Variants in TMEM117 observed in about 807,000 individuals in gnomAD.
TMEM117 encodes the protein transmembrane protein 117.
A neutral mutation model predicts 52.4 loss-of-function variants in TMEM117; 27 were observed. The observed-to-expected ratio is 0.51, with a 90% confidence interval of 0.38 to 0.71. The LOEUF (loss-of-function observed/expected upper bound fraction) is 0.71, where lower values mean the gene tolerates loss of function less well. Among genes scored for constraint, TMEM117 ranks in the 30% least tolerant of loss-of-function variants. The probability of loss-of-function intolerance (pLI) is 0.00; values close to 1 mark genes in which losing one functional copy is unlikely to be tolerated. For synonymous variants in TMEM117, 215 were observed against 206.3 expected (o/e 1.04, Z -0.36); for missense variants, 556 against 630.5 (o/e 0.88, Z 1.26).
chr12:44,080,216 A>T (rs539878313), intron 3 of TMEM117, among the ~76,000 whole-genome samples: 3 of 152,230 alleles, frequency 2.0e-5, no homozygotes, highest in Non-Finnish European at 4.4e-5. Context: ...GAGGAAAGAG[A>T]TTTAATTGAC....
intron 3 of TMEM117, among the ~76,000 whole-genome samples, chr12:43,952,457 G>C (rs962098746): frequency 6.6e-6 from 1 of 151,990 alleles, no homozygotes; most frequent in African/African-American, 2.4e-5. Context: ...ATGACCTGAT[G>C]GGTCTGAAAA....
intron 2 of TMEM117, among the ~76,000 whole-genome samples, chr12:43,864,740 C>T (rs1943554514): frequency 6.6e-6 from 1 of 152,188 alleles, no homozygotes. Flanking sequence ...GACCAATCAG[C>T]AGGATGTGGG....
chr12:44,306,012 T>C (rs1284511431), intron 6 of TMEM117, among the ~76,000 whole-genome samples: 1 of 152,122 alleles, frequency 6.6e-6, no homozygotes, highest in East Asian at 1.9e-4. Flanking sequence ...CCTAAGTGAA[T>C]TAACAGAGGG....
chr12:44,105,703 G>A (rs1308254971), intron 3 of TMEM117, among the ~76,000 whole-genome samples: 1 of 152,026 alleles, frequency 6.6e-6, no homozygotes, highest in African/African-American at 2.4e-5. Flanking sequence ...GCCCCTGGGT[G>A]GGACAGGATG....
intron 3 of TMEM117, among the ~76,000 whole-genome samples, chr12:44,133,043 A>G (rs1004341173): frequency 6.6e-6 from 1 of 152,208 alleles, no homozygotes; most frequent in Non-Finnish European, 1.5e-5. Context: ...GGAATTTGAG[A>G]CTGCAGGGCA....
chr12:44,089,275 A>G (rs1947623077), intron 3 of TMEM117, among the ~76,000 whole-genome samples: 3 of 152,242 alleles, frequency 2.0e-5, no homozygotes, highest in South Asian at 4.1e-4. Flanking sequence ...TAGAAGAAAT[A>G]TAATAAATGC....
intron 2 of TMEM117, among the ~76,000 whole-genome samples, chr12:43,909,694 C>T (rs908923285): frequency 1.3e-5 from 2 of 151,866 alleles, no homozygotes; most frequent in East Asian, 3.9e-4. Context: ...TGCAAACTAC[C>T]ATCGGAGAAT....
chr12:44,190,646 G>A (rs996109859), intron 4 of TMEM117, among the ~76,000 whole-genome samples: 8 of 151,876 alleles, frequency 5.3e-5, no homozygotes, highest in East Asian at 1.9e-4. Flanking sequence ...TCTTGAAAAC[G>A]TTGAAAGCCA....
chr12:44,303,170 G>C (rs1592678445), intron 6 of TMEM117, among the ~76,000 whole-genome samples: 2 of 151,638 alleles, frequency 1.3e-5, no homozygotes. Flanking sequence ...CAGCCTCCCA[G>C]GTAGCTGGGA....
chr12:44,277,089 C>T (rs1950523733), intron 5 of TMEM117, among the ~76,000 whole-genome samples: 1 of 152,082 alleles, frequency 6.6e-6, no homozygotes, highest in African/African-American at 2.4e-5. Flanking sequence ...TAGATACAGC[C>T]TTCCTTGAAC....
rs181530598 is a variant in TMEM117, at chr12:44,038,361, G to A, written c.410+94019G>A. 2.7e-4 allele frequency among the ~76,000 whole-genome samples: 41 copies of A among 152,262 alleles called. No homozygotes were observed. The East Asian group carries it at 6.0e-3, about 22-fold the overall frequency. ...GGTGCCATTGTGTTCCCCAGTGCCA[G>A]CCGTGGAAGCTGCTTGTGGTACACC... On this transcript the variant is annotated intron_variant, in intron 3 of 7. Transcript: ENST00000266534.
intron 3 of TMEM117, chr12:44,010,044 T>TA: frequency 2.7e-6 from 1 of 377,348 alleles, no homozygotes; most frequent in South Asian, 2.1e-5. Flanking sequence ...GTGTACTTCT[T>TA]ACTGGGACTG....
chr12:43,830,960 T>C, the TMEM117 span, among the ~76,000 whole-genome samples: 1 of 152,212 alleles, frequency 6.6e-6, no homozygotes, highest in Non-Finnish European at 1.5e-5. Flanking sequence ...GGTTCTAGTA[T>C]TCCAAGCAAC....
Position 43,953,417 on chromosome 12 carries a change from G to A in TMEM117, c.410+9075G>A, listed in dbSNP as rs576995533. Among the ~76,000 whole-genome samples, 201 of 152,220 alleles carry A rather than the reference G, an allele frequency of 1.3e-3. 1 individual carries two copies. Among genetic ancestry groups the A allele is most frequent in the African/African-American group, 4.5e-3 (189 of 41,546 alleles). On this transcript the variant is annotated intron_variant, in intron 3 of 7. Coordinates refer to ENST00000266534, the MANE Select transcript of TMEM117 (RefSeq NM_032256.3). The stretch of plus-strand genomic sequence containing the variant: ...TCTTCAAGAGACATATCTCATGTGC[G>A]AAGACACACATAGACTCAAAATAAG...
intron 3 of TMEM117, among the ~76,000 whole-genome samples, chr12:44,087,434 GTGTATGTATGTATGTATGTA>G (rs60335561): frequency 6.7e-6 from 1 of 149,982 alleles, no homozygotes; most frequent in Non-Finnish European, 1.5e-5. Flanking sequence ...CTTTCTATGT[GTGTATGTATGTATGTATGTA>G]TGTATGTATG....
In TMEM117 at chr12:44,055,560, A is replaced by G. The variant is rs184651938; in HGVS notation, c.411-87965A>G. Among the ~76,000 whole-genome samples the G allele has an allele frequency of 6.0e-4, 92 of 152,302 alleles. 1 individual carries two copies. In the East Asian group the frequency reaches 0.017, roughly 28 times the overall value. Reference sequence around the variant, plus strand: ...CCAGAATACTTGAGTTCAAGTCCTGATATGTCCATTTACTAGCTGTGTGGC... The same window carrying G: ...CCAGAATACTTGAGTTCAAGTCCTGGTATGTCCATTTACTAGCTGTGTGGC... On this transcript the variant is annotated intron_variant, in intron 3 of 7. Coordinates refer to ENST00000266534, the MANE Select transcript of TMEM117 (RefSeq NM_032256.3).
intron 6 of TMEM117, among the ~76,000 whole-genome samples, chr12:44,303,576 A>G (rs1950869219): frequency 6.6e-6 from 1 of 152,236 alleles, no homozygotes; most frequent in Non-Finnish European, 1.5e-5. Flanking sequence ...ATAAACAGAT[A>G]CCAGCAAAGT....
chr12:44,254,570 T>A (rs1009374031), intron 5 of TMEM117, among the ~76,000 whole-genome samples: 1 of 152,028 alleles, frequency 6.6e-6, no homozygotes, highest in Non-Finnish European at 1.5e-5. Flanking sequence ...TTTTATAATA[T>A]GGAAAATATC....
At position 44,198,341 on chromosome 12, in the gene TMEM117, G is replaced by A. The variant is rs949932641; in HGVS notation, c.511-12949G>A. 3.9e-5 allele frequency among the ~76,000 whole-genome samples: 6 copies of A among 152,164 alleles called. No individual in the cohort carries two copies. In the South Asian group the frequency reaches 1.0e-3, roughly 26 times the overall value. On this transcript the variant is annotated intron_variant, in intron 4 of 7. Transcript: ENST00000266534. ...TTGTTTCCATCTCAGAGTAATTTAA[G>A]CGCGTGCATAAGAAAATAATGCTAT... is the stretch of plus-strand genomic sequence containing the variant.
Sources: gnomAD v4.1 joint callset for allele counts (sites outside exome capture counted in the v4.1 genomes callset) on GRCh38, gnomAD v4.1.1 for gene constraint, MANE v1.5 for transcripts, NCBI Gene and HGNC (gene_info 2026-07-23, HGNC 2026-07-21) for gene names.